Variants in TMEM87B observed in about 807,000 individuals in gnomAD.
TMEM87B encodes transmembrane protein 87B.
A neutral mutation model predicts 80.3 loss-of-function variants in TMEM87B; 83 were observed. The ratio of observed to expected loss-of-function variants is 1.03; its 90% CI spans 0.87 to 1.24. The LOEUF is 1.24. Among genes scored for constraint, TMEM87B ranks in the 50% most tolerant of loss-of-function variants. The pLI, the probability that TMEM87B is intolerant of heterozygous loss-of-function variation, is 0.00. For synonymous variants in TMEM87B, 219 were observed against 230.5 expected (o/e 0.95, Z 0.45); for missense variants, 625 against 674.4 (o/e 0.93, Z 0.81).
intron 9 of TMEM87B, among the ~76,000 whole-genome samples, chr2:112,087,994 C>T (rs1679196591): frequency 6.6e-6 from 1 of 152,234 alleles, no homozygotes; most frequent in Non-Finnish European, 1.5e-5. Context: ...GCCTCCTCTG[C>T]TGCACCCTCC....
intron 8 of TMEM87B, 66 bp downstream of exon 8, chr2:112,081,584 C>T: frequency 7.2e-7 from 1 of 1,391,422 alleles, no homozygotes; most frequent in Non-Finnish European, 9.7e-7. Context: ...ATGAGCAGAG[C>T]AGTGGGAGGC....
chr2:112,103,357 C>G (rs7591702), intron 15 of TMEM87B, among the ~76,000 whole-genome samples: 85,360 of 151,960 alleles, frequency 0.56, 24,773 homozygotes, highest in East Asian at 0.87. Flanking sequence ...GTATTAAGCT[C>G]TCAGTTTCCC....
chr2:112,058,925 C>G (rs914869137), intron 1 of TMEM87B, among the ~76,000 whole-genome samples: 2 of 152,164 alleles, frequency 1.3e-5, no homozygotes, highest in African/African-American at 4.8e-5. Context: ...GATGGTACCA[C>G]CTCCAGCCAA....
intron 6 of TMEM87B, among the ~76,000 whole-genome samples, chr2:112,080,843 C>G (rs995599429): frequency 2.0e-5 from 3 of 152,152 alleles, no homozygotes; most frequent in African/African-American, 7.2e-5. Context: ...ATGTTTTCTT[C>G]TAGCAGTTTT....
In TMEM87B at chr2:112,055,715, G is replaced by C; in HGVS notation, c.124G>C (p.Ala42Pro). 6.5e-7 allele frequency: 1 copy of C among 1,538,982 alleles called. No homozygotes were observed. The change falls in exon 1 of 19, where the codon GCG (alanine) becomes CCG (proline). Residue 42 changes from alanine to proline, a missense_variant. By Grantham distance (27) the Ala-to-Pro change is conservative. Transcript: ENST00000283206. ...GTGCTGGACCCCGGCGGCTGTGCGCGCGGTCCCTGAGCTCGGGCTCTGGTT... is the reference window on the plus strand; with the variant it reads ...GTGCTGGACCCCGGCGGCTGTGCGCCCGGTCCCTGAGCTCGGGCTCTGGTT... ...LLCWTPAAVRAVPELGLWLET... is the reference protein window; with the variant it reads ...LLCWTPAAVRPVPELGLWLET...
chr2:112,109,046 G>A (rs1573729272), intron 17 of TMEM87B, among the ~76,000 whole-genome samples: 2 of 152,206 alleles, frequency 1.3e-5, no homozygotes, highest in Middle Eastern at 3.4e-3. Context: ...ATGAGTTACT[G>A]GAATGCAAAC....
chr2:112,111,520 ATAATC>A (rs1679916457), intron 17 of TMEM87B, among the ~76,000 whole-genome samples: 1 of 152,256 alleles, frequency 6.6e-6, no homozygotes, highest in South Asian at 2.1e-4. Flanking sequence ...GTAGAGCTCT[ATAATC>A]TAAGATGATT....
In TMEM87B at chr2:112,100,652, T is replaced by C. The variant is rs897497497; in HGVS notation, c.1407T>C (p.Ser469=). 6.2e-6 allele frequency: 10 copies of C among 1,610,212 alleles called. No homozygotes were observed. Among genetic ancestry groups the C allele is most frequent in the Non-Finnish European group, 8.5e-6 (10 of 1,177,584 alleles). ...CCTTCATGCCCTTAATAGATGATTC[T>C]GATGATGAAATTGAGGAATTCATGG... ...RYAFMPLIDD[S]DDEIEEFMVT... Residue 469 remains serine, a synonymous_variant, in exon 15 of 19, where the codon TCT becomes TCC. Coordinates refer to ENST00000283206, the MANE Select transcript of TMEM87B (RefSeq NM_032824.3).
intron 3 of TMEM87B, 32 bp from the exon 4 acceptor site, chr2:112,066,904 T>C: frequency 6.6e-7 from 1 of 1,525,622 alleles, no homozygotes; most frequent in Non-Finnish European, 8.8e-7. Flanking sequence ...AGTGTGGGAA[T>C]AAATTATAAC....
In TMEM87B at chr2:112,055,595, GT is replaced by G. The variant is rs1558823290; in HGVS notation, c.5del (p.Val2AlafsTer7). M[V>X]AACRSVAGLL... ...CAGGTGCAGCTTCCTGGTCAAGATG[GT>G]CGCCGCCTGCCGCTCGGTAGCCGGG... On this transcript the variant is annotated frameshift_variant, in exon 1 of 19. Coordinates refer to ENST00000283206, the MANE Select transcript of TMEM87B (RefSeq NM_032824.3). LOFTEE classifies it high-confidence loss of function. 6.6e-7 allele frequency: 1 copy of G among 1,518,190 alleles called. No homozygotes were observed. The highest frequency in any genetic ancestry group is 2.0e-5 in the Admixed American group (1 of 48,892). The allele number at this position is 1,518,190 out of a possible 1,614,324, so 94.0% of individuals were successfully genotyped here.
rs926008774 is a variant in TMEM87B at position 112,116,502 on chromosome 2, C to G, written c.*359C>G. The stretch of plus-strand genomic sequence containing the variant: ...AAGAAAAATGTTTTTTAATAAATAC[C>G]CTTGGTCTTTCTTCTAGTCACCTTT... On this transcript the variant is annotated 3_prime_UTR_variant, in exon 19 of 19. Transcript: ENST00000283206. The G allele has an allele frequency of 4.9e-4, 82 of 168,332 alleles. No homozygotes were observed. Among genetic ancestry groups the G allele is most frequent in the African/African-American group, 1.7e-3 (72 of 41,876 alleles). 10.4% of individuals were successfully genotyped at this position (168,332 alleles called of 1,614,324 possible).
chr2:112,112,623 A>C (rs1008876986), intron 17 of TMEM87B, among the ~76,000 whole-genome samples: 1 of 152,224 alleles, frequency 6.6e-6, no homozygotes, highest in African/African-American at 2.4e-5. Context: ...GTTATCCCTC[A>C]ATAGATCATC....
chr2:112,075,750 C>T (rs1234880574), intron 5 of TMEM87B, among the ~76,000 whole-genome samples: 3 of 152,108 alleles, frequency 2.0e-5, no homozygotes, highest in African/African-American at 7.2e-5. Flanking sequence ...TATACTATGA[C>T]TCTTCATGTT....
At chr2:112,086,420 G>A (rs978787515) in intron 9 of TMEM87B, among the ~76,000 whole-genome samples, 3 of 152,098 alleles carry the variant, frequency 2.0e-5, no homozygotes, top group African/African-American at 7.2e-5. Flanking sequence ...GTATCATTAA[G>A]CTTTTATGGT....
chr2:112,103,044 A>T (rs1433877669), intron 15 of TMEM87B, among the ~76,000 whole-genome samples: 1 of 152,224 alleles, frequency 6.6e-6, no homozygotes, highest in East Asian at 1.9e-4. Context: ...CAACATGGTT[A>T]TGTATGGAAA....
chr2:112,075,082 G>A, intron 5 of TMEM87B, 120 bp downstream of exon 5: 3 of 1,388,178 alleles, frequency 2.2e-6, no homozygotes, highest in South Asian at 1.4e-5. Context: ...AACTGTGGAA[G>A]GAAAAGGAAA....
Position 112,098,576 on chromosome 2 carries a change from T to C in TMEM87B, c.1273-19T>C. On this transcript the variant is annotated intron_variant, in intron 13 of 18. Coordinates refer to ENST00000283206, the MANE Select transcript of TMEM87B (RefSeq NM_032824.3). The stretch of plus-strand genomic sequence containing the variant: ...TATCAGAAAATTAACGTTTCATGCT[T>C]GAATTGTCCTTCTTTTAGGATTGGA... 3 of 1,612,672 alleles carry C rather than the reference T, an allele frequency of 1.9e-6. No homozygotes were observed. The South Asian group carries it at 3.3e-5, about 18-fold the overall frequency.
intron 15 of TMEM87B, among the ~76,000 whole-genome samples, chr2:112,104,250 CTCA>C (rs1679706542): frequency 6.6e-6 from 1 of 152,106 alleles, no homozygotes; most frequent in South Asian, 2.1e-4. Flanking sequence ...AAAATCTATG[CTCA>C]TCAGGAAGAA....
At chr2:112,062,241 C>T (rs1378968133) in intron 2 of TMEM87B, among the ~76,000 whole-genome samples, 2 of 152,148 alleles carry the variant, frequency 1.3e-5, no homozygotes, top group East Asian at 1.9e-4. Flanking sequence ...GGATATATGT[C>T]GATGCTGTTT....
Sources: allele counts gnomAD v4.1 joint callset (sites outside exome capture counted in the v4.1 genomes callset), GRCh38; gene constraint gnomAD v4.1.1; transcripts MANE v1.5; gene names NCBI Gene and HGNC (gene_info 2026-07-23, HGNC 2026-07-21).